CRCP: variants seen among roughly 807,000 people sequenced by gnomAD.
CRCP encodes DNA-directed RNA polymerase III subunit RPC9.
A neutral mutation model predicts 18.5 loss-of-function variants in CRCP; 18 were observed. The observed-to-expected ratio is 0.97, with a 90% confidence interval of 0.67 to 1.44. The LOEUF (loss-of-function observed/expected upper bound fraction) is 1.44. Among genes scored for constraint, CRCP ranks in the 40% most tolerant of loss-of-function variants. The pLI is 0.00. For missense variants in CRCP, 130 were observed against 176.4 expected (o/e 0.74, Z 1.49); for synonymous variants, 53 against 62.9 (o/e 0.84, Z 0.75).
intron 2 of CRCP, 116 bp from the exon 3 acceptor site, chr7:66,130,628 G>A (rs2115931394): frequency 2.0e-6 from 1 of 507,522 alleles, no homozygotes; most frequent in Non-Finnish European, 3.6e-6. Flanking sequence ...GAAGCTGGGT[G>A]ATGGGCGGGT....
chr7:66,128,952 A>G (rs917223349), intron 2 of CRCP, among the ~76,000 whole-genome samples: 1 of 152,136 alleles, frequency 6.6e-6, no homozygotes, highest in African/African-American at 2.4e-5. Context: ...TAATCTCAGC[A>G]CTTGGGAAGG....
At chr7:66,131,829 G>A (rs951409922) in intron 3 of CRCP, among the ~76,000 whole-genome samples, 17 of 150,906 alleles carry the variant, frequency 1.1e-4, no homozygotes, top group Non-Finnish European at 2.2e-4. Flanking sequence ...GTGCCATGGC[G>A]CAACCTCGGC....
chr7:66,128,007 G>A (rs767561144), intron 2 of CRCP, among the ~76,000 whole-genome samples: 1 of 151,570 alleles, frequency 6.6e-6, no homozygotes, highest in African/African-American at 2.4e-5. Flanking sequence ...AGCTACTTCG[G>A]ATCCCAGCTG....
chr7:66,149,329 G>A (rs1788388056), intron 5 of CRCP, among the ~76,000 whole-genome samples: 1 of 151,918 alleles, frequency 6.6e-6, no homozygotes. Flanking sequence ...TTCAAGACCA[G>A]CCTGGGCAAC....
chr7:66,152,316 A>G lies in CRCP; in HGVS notation c.406A>G (p.Thr136Ala), dbSNP rs1788501731. The change falls in exon 6 of 6, where the codon ACA becomes GCA. Residue 136 changes from threonine to alanine, a missense_variant. By Grantham distance (58) the Thr-to-Ala change is moderately conservative. Coordinates refer to ENST00000395326, the MANE Select transcript of CRCP (RefSeq NM_014478.5). ...AEPEAEQKKN[T>A]NSNVAMDEED... is the part of the protein sequence containing the mutation. ...GCCAGAGGCTGAGCAGAAGAAGAAT[A>G]CAAACAGCAATGTGGCAATGGACGA... 1 of 1,614,062 alleles carries G rather than the reference A, an allele frequency of 6.2e-7. No individual in the cohort carries two copies. Among genetic ancestry groups the G allele is most frequent in the Non-Finnish European group, 8.5e-7 (1 of 1,180,036 alleles).
At chr7:66,136,482 G>A (rs1225608764) in intron 4 of CRCP, among the ~76,000 whole-genome samples, 1 of 151,928 alleles carries the variant, frequency 6.6e-6, no homozygotes, top group African/African-American at 2.4e-5. Context: ...CATCCACCTC[G>A]ACCTCTCAAA....
chr7:66,130,038 A>G, intron 2 of CRCP: 1 of 241,408 alleles, frequency 4.1e-6, no homozygotes. Context: ...TTGCCTCAAA[A>G]TTTTTCTTTT....
chr7:66,149,850 A>G (rs1441181853), intron 5 of CRCP, among the ~76,000 whole-genome samples: 1 of 152,034 alleles, frequency 6.6e-6, no homozygotes. Flanking sequence ...TCTGTCACCC[A>G]GGCTGGAGTG....
At chr7:66,141,640 G>A (rs1222692368) in intron 4 of CRCP, among the ~76,000 whole-genome samples, 2 of 152,178 alleles carry the variant, frequency 1.3e-5, no homozygotes, top group African/African-American at 2.4e-5. Context: ...GAAGCCCCGA[G>A]GGCAGGCAGT....
chr7:66,152,113 A>G (rs938862779), intron 5 of CRCP, 95 bp from the exon 6 acceptor site: 1 of 1,422,584 alleles, frequency 7.0e-7, no homozygotes. Context: ...TCTGTGTGCC[A>G]GGAGGCCGGG....
chr7:66,138,876 CT>C (rs35647756), intron 4 of CRCP, among the ~76,000 whole-genome samples: 2 of 150,822 alleles, frequency 1.3e-5, no homozygotes, highest in South Asian at 2.1e-4. Flanking sequence ...TATATTTCAG[CT>C]TTTTTTTCCC....
chr7:66,150,418 A>C (rs887567713), intron 5 of CRCP, among the ~76,000 whole-genome samples: 72 of 151,418 alleles, frequency 4.8e-4, no homozygotes, highest in African/African-American at 1.6e-3. Context: ...GAGCCATGGA[A>C]TCTTTAGAAA....
intron 5 of CRCP, among the ~76,000 whole-genome samples, chr7:66,147,935 C>T (rs1159311769): frequency 6.6e-6 from 1 of 152,064 alleles, no homozygotes; most frequent in Non-Finnish European, 1.5e-5. Flanking sequence ...TGGCGCACAC[C>T]TGTGGTCCCA....
intron 1 of CRCP, among the ~76,000 whole-genome samples, chr7:66,122,960 T>C (rs1013714956): frequency 4.7e-5 from 7 of 149,686 alleles, no homozygotes; most frequent in East Asian, 1.9e-4. Context: ...TCTTTCTTTT[T>C]TTTTTTTTTT....
At chr7:66,121,800 A>G (rs1052066961) in intron 1 of CRCP, among the ~76,000 whole-genome samples, 1 of 152,164 alleles carries the variant, frequency 6.6e-6, no homozygotes, top group South Asian at 2.1e-4. Context: ...AGGTAGTGTC[A>G]GGATTTCTTT....
intron 1 of CRCP, among the ~76,000 whole-genome samples, chr7:66,127,297 G>A (rs1423067037): frequency 2.0e-5 from 3 of 152,228 alleles, no homozygotes; most frequent in Non-Finnish European, 4.4e-5. Flanking sequence ...TACCTGTTGA[G>A]TTGACGTAGG....
rs1219956602 is a variant in CRCP at position 66,154,178 on chromosome 7, TCTC to T, written c.*1822_*1824del. On this transcript the variant is annotated 3_prime_UTR_variant, in exon 6 of 6. Coordinates refer to ENST00000395326, the MANE Select transcript of CRCP (RefSeq NM_014478.5). ...TGCCAATCTGTCTCATTGTTGTCTC[TCTC>T]TTTTTTTTTTTTTTTTTTGAGACAG... 1 of 132,226 alleles carries T rather than the reference TCTC, an allele frequency of 7.6e-6. No homozygotes were observed. The highest frequency in any genetic ancestry group is 2.2e-4 in the East Asian group (1 of 4,540). 8.2% of individuals were successfully genotyped at this position (132,226 alleles called of 1,614,324 possible). A position where few individuals can be genotyped will look rare whatever the true frequency, so the allele number is the denominator to read the frequency against.
At chr7:66,124,514 T>TCCTTCCTTCCTCCCTCCTTC (rs1787560827) in intron 1 of CRCP, among the ~76,000 whole-genome samples, 3 of 137,186 alleles carry the variant, frequency 2.2e-5, no homozygotes, top group Non-Finnish European at 4.7e-5. Context: ...CTCCCTCCCT[T>TCCTTCCTTCCTCCCTCCTTC]CCTTCCTTCC....
At chr7:66,133,091 G>A (rs543059397) in intron 3 of CRCP, among the ~76,000 whole-genome samples, 32 of 152,152 alleles carry the variant, frequency 2.1e-4, no homozygotes, top group Middle Eastern at 3.4e-3. Context: ...GATGCTTTGC[G>A]GCTAGGAAAA....
Sources: allele counts gnomAD v4.1 joint callset (sites outside exome capture counted in the v4.1 genomes callset), GRCh38; gene constraint gnomAD v4.1.1; transcripts MANE v1.5; gene names NCBI Gene and HGNC (gene_info 2026-07-23, HGNC 2026-07-21).